EYA1: variants seen among roughly 807,000 people sequenced by gnomAD.
The protein encoded by EYA1 is EYA transcriptional coactivator and phosphatase 1, also known as protein phosphatase EYA1.
A neutral mutation model predicts 82.0 loss-of-function variants in EYA1; 16 were observed. The observed-to-expected ratio is 0.20, with a 90% CI of 0.13 to 0.30. The LOEUF is 0.30. Ranked by LOEUF, EYA1 falls within the 10% of genes least tolerant of loss-of-function variation. The pLI, the probability that EYA1 is intolerant of heterozygous loss-of-function variation, is 1.00. For missense variants in EYA1, 633 were observed against 730.7 expected (o/e 0.87, Z 1.54); for synonymous variants, 261 against 264.4 (o/e 0.99, Z 0.12).
intron 11 of EYA1, among the ~76,000 whole-genome samples, chr8:71,256,347 T>C (rs1246344549): frequency 1.3e-5 from 2 of 152,196 alleles, no homozygotes; most frequent in Admixed American, 6.5e-5. Context: ...ATGTGGCATA[T>C]ACATACAACA....
In EYA1 at chr8:71,218,584, G is replaced by C. The variant is rs759372657; in HGVS notation, c.1141-1561C>G. Among the ~76,000 whole-genome samples, 25 of 151,726 alleles carry C rather than the reference G, an allele frequency of 1.6e-4. No individual in the cohort carries two copies. In the South Asian group the frequency reaches 2.1e-3, roughly 13 times the overall value. On this transcript the variant is annotated intron_variant, in intron 12 of 17. Coordinates refer to ENST00000340726, the MANE Select transcript of EYA1 (RefSeq NM_000503.6). ...GTCCATAACCTCAGATAAGAGAAAA[G>C]GAAAAGCAAGTCTAGGAGCCCTCAC...
At position 71,215,524 on chromosome 8, in the gene EYA1, G is replaced by GA. The variant is rs768745075; in HGVS notation, c.1476-17dup. ...ACAGTTTGTCCTATGAGAACAAAAA[G>GA]AAAACAAAGACTGTTGAAAAATAAA... is the stretch of plus-strand genomic sequence containing the variant. On this transcript the variant is annotated splice_polypyrimidine_tract_variant and intron_variant, in intron 15 of 17. Transcript: ENST00000340726. 3 of 1,612,758 alleles carry GA rather than the reference G, an allele frequency of 1.9e-6. No individual in the cohort carries two copies. Among genetic ancestry groups the GA allele is most frequent in the Non-Finnish European group, 2.5e-6 (3 of 1,178,868 alleles).
At chr8:71,537,601 C>T (rs1814803523) in intron 1 of EYA1, among the ~76,000 whole-genome samples, 1 of 152,236 alleles carries the variant, frequency 6.6e-6, no homozygotes, top group East Asian at 1.9e-4. Flanking sequence ...CACAGTGTAC[C>T]TATAAGAGGT....
chr8:71,254,022 T>C (rs1322244403), intron 11 of EYA1, among the ~76,000 whole-genome samples: 2 of 152,042 alleles, frequency 1.3e-5, no homozygotes, highest in African/African-American at 4.8e-5. Context: ...GCTACAGATA[T>C]TTGATTCAGA....
chr8:71,212,222 TTGCTTAAACAAATGTCTG>T (rs1299016073), intron 16 of EYA1, among the ~76,000 whole-genome samples: 6 of 152,246 alleles, frequency 3.9e-5, no homozygotes, highest in Admixed American at 3.3e-4. Context: ...AATTGCTTGT[TTGCTTAAACAAATGTCTG>T]CTTTATATTT....
At position 71,321,868 on chromosome 8, in the gene EYA1, G is replaced by T. The variant is rs759310166; in HGVS notation, c.284C>A (p.Pro95Gln). 2.5e-6 allele frequency: 4 copies of T among 1,614,218 alleles called. No homozygotes were observed. Among genetic ancestry groups the T allele is most frequent in the Non-Finnish European group, 3.4e-6 (4 of 1,180,034 alleles). ...TGAGGAAGGGGTAGGGAGAATATGT[G>T]GGTATGGTCTGCTATTTGTCAGAAA... ...PQIYPSNRPY[P>Q]HILPTPSSQT... Residue 95 changes from proline to glutamine, a missense_variant, in exon 6 of 18, where the codon CCA becomes CAA. Transcript: ENST00000340726.
chr8:71,457,532 CTG>C, intron 2 of EYA1, among the ~76,000 whole-genome samples: 1 of 152,224 alleles, frequency 6.6e-6, no homozygotes. Context: ...CAATGACAGA[CTG>C]GATTAAGAAA....
intron 12 of EYA1, among the ~76,000 whole-genome samples, chr8:71,239,403 AAG>A: frequency 6.6e-6 from 1 of 152,322 alleles, no homozygotes; most frequent in East Asian, 1.9e-4. Context: ...ATTCTAGTCT[AAG>A]ACAACACATA....
At position 71,482,755 on chromosome 8, in the gene EYA1, T is replaced by C. The variant is rs1404041227; in HGVS notation, c.33+52989A>G. On this transcript the variant is annotated intron_variant, in intron 2 of 18. Coordinates refer to the EYA1 transcript ENST00000643681. ...ATAGACAAAACTCACAGGCCCAAAG[T>C]CGAGCAAACAATAGATGCCAGACAC... Among the ~76,000 whole-genome samples the C allele has an allele frequency of 2.0e-5, 3 of 152,156 alleles. No individual in the cohort carries two copies. The South Asian group carries it at 6.2e-4, about 32-fold the overall frequency.
At chr8:71,438,873 T>C (rs887470283) in intron 2 of EYA1, among the ~76,000 whole-genome samples, 17 of 152,128 alleles carry the variant, frequency 1.1e-4, no homozygotes, top group African/African-American at 4.1e-4. Flanking sequence ...GTTTGGAGAA[T>C]GTCTTTGTGG....
At chr8:71,448,413 G>A (rs1807074209) in intron 2 of EYA1, among the ~76,000 whole-genome samples, 1 of 152,100 alleles carries the variant, frequency 6.6e-6, no homozygotes, top group Non-Finnish European at 1.5e-5. Context: ...TAGCAACTCA[G>A]TCACATCTTG....
rs550726570 is a variant in EYA1 at position 71,303,781 on chromosome 8, T to G, written c.557-4061A>C. On this transcript the variant is annotated intron_variant, in intron 7 of 17. Coordinates refer to ENST00000340726, the MANE Select transcript of EYA1 (RefSeq NM_000503.6). ...CAAAATACCCATTGAGTACTCTCTCTATGTTAGGAAGTAGGCTCGCCCGTA... is the reference window on the plus strand; with the variant it reads ...CAAAATACCCATTGAGTACTCTCTCGATGTTAGGAAGTAGGCTCGCCCGTA... 2.1e-5 allele frequency among the ~76,000 whole-genome samples: 3 copies of G among 142,870 alleles called. 1 individual carries two copies. The highest frequency in any genetic ancestry group is 7.4e-5 in the African/African-American group (3 of 40,448). The allele number at this position is 142,870 out of a possible 152,430, so 93.7% of individuals were successfully genotyped here.
At chr8:71,284,877 TCAAA>T (rs1764761074) in intron 9 of EYA1, among the ~76,000 whole-genome samples, 1 of 152,232 alleles carries the variant, frequency 6.6e-6, no homozygotes, top group African/African-American at 2.4e-5. Context: ...AATTTCTTCT[TCAAA>T]CACTTATGTA....
intron 2 of EYA1, among the ~76,000 whole-genome samples, chr8:71,444,436 A>T (rs1000237111): frequency 6.6e-6 from 1 of 152,246 alleles, no homozygotes; most frequent in Non-Finnish European, 1.5e-5. Context: ...TAGACCATAG[A>T]TTGAAAGGGG....
intron 2 of EYA1, among the ~76,000 whole-genome samples, chr8:71,443,848 A>G (rs993015337): frequency 1.3e-5 from 2 of 152,252 alleles, no homozygotes; most frequent in Non-Finnish European, 2.9e-5. Context: ...TATGCAAAAC[A>G]GAATTTTAAA....
intron 7 of EYA1, among the ~76,000 whole-genome samples, chr8:71,300,421 A>G (rs1439877752): frequency 2.2e-4 from 34 of 152,200 alleles, no homozygotes; most frequent in Admixed American, 2.2e-3. Flanking sequence ...AAGCTATGCA[A>G]AACAATAATA....
At chr8:71,377,241 G>T (rs1006624617) in intron 2 of EYA1, among the ~76,000 whole-genome samples, 2 of 152,180 alleles carry the variant, frequency 1.3e-5, no homozygotes, top group Non-Finnish European at 1.5e-5. Context: ...CTATCTATGT[G>T]GTGGAAGAGA....
intron 11 of EYA1, among the ~76,000 whole-genome samples, chr8:71,264,579 ATTTTTTT>A (rs35415877): frequency 1.4e-5 from 2 of 142,474 alleles, no homozygotes; most frequent in South Asian, 4.5e-4. Flanking sequence ...GAGCAATTCA[ATTTTTTT>A]TTTTTTTTTG....
At chr8:71,283,863 G>C (rs1172559498) in intron 9 of EYA1, among the ~76,000 whole-genome samples, 2 of 152,136 alleles carry the variant, frequency 1.3e-5, no homozygotes, top group Non-Finnish European at 2.9e-5. Flanking sequence ...CTAGGTTTAG[G>C]ATTATTTCTA....
Sources: gnomAD v4.1 joint callset for allele counts (sites outside exome capture counted in the v4.1 genomes callset) on GRCh38, gnomAD v4.1.1 for gene constraint, MANE v1.5 for transcripts, NCBI Gene and HGNC (gene_info 2026-07-23, HGNC 2026-07-21) for gene names.